The following VAMP1 variants were observed in gnomAD, a reference collection of about 807,000 sequenced individuals.
The protein encoded by VAMP1 is vesicle associated membrane protein 1, also known as vesicle-associated membrane protein 1.
In VAMP1, 16 loss-of-function variants were observed where a neutral mutation model predicts 19.1. The observed-to-expected ratio is 0.84, with a 90% CI of 0.57 to 1.27. The LOEUF (loss-of-function observed/expected upper bound fraction) is 1.27, where lower values mean the gene tolerates loss of function less well. Among genes scored for constraint, VAMP1 ranks in the 50% most tolerant of loss-of-function variants. VAMP1 has a pLI of 0.00. For missense variants in VAMP1, 109 were observed against 145.4 expected (o/e 0.75, Z 1.29); for synonymous variants, 37 against 50.2 (o/e 0.74, Z 1.11).
Position 6,465,931 on chromosome 12 carries a change from C to T in VAMP1, c.199G>A (p.Asp67Asn). 6 of 1,614,260 alleles carry T rather than the reference C, an allele frequency of 3.7e-6. No individual in the cohort carries two copies. Among genetic ancestry groups the T allele is most frequent in the Non-Finnish European group, 4.2e-6 (5 of 1,180,046 alleles). Residue 67 changes from aspartate (D) to asparagine (N), a missense_variant, in exon 3 of 5, where the codon GAC becomes AAC. Coordinates refer to ENST00000396308, the MANE Select transcript of VAMP1 (RefSeq NM_014231.5). ...ERDQKLSELDDRADALQAGAS... is the reference protein window; with the variant it reads ...ERDQKLSELDNRADALQAGAS... The stretch of plus-strand genomic sequence containing the variant: ...CCTGCCTGCAAGGCATCAGCTCGGT[C>T]ATCCAGCTCTGACAGCTTCTGGTCC...
chr12:6,465,485 GTGTGTGTA>G (rs1950000893), intron 3 of VAMP1, among the ~76,000 whole-genome samples: 1 of 138,906 alleles, frequency 7.2e-6, no homozygotes, highest in African/African-American at 2.9e-5. Flanking sequence ...GTGTGTGTGT[GTGTGTGTA>G]TGTATATATG....
At position 6,463,404 on chromosome 12, in the gene VAMP1, AT is replaced by A; in HGVS notation, c.*1065del. On this transcript the variant is annotated 3_prime_UTR_variant, in exon 5 of 5. Coordinates refer to ENST00000396308, the MANE Select transcript of VAMP1 (RefSeq NM_014231.5). The surrounding 1 kb of genome is among the most constrained non-coding windows in gnomAD (Gnocchi z 4.0). Reference sequence around the variant, plus strand: ...GGCCCCAGGAAGAACCACTTGCCTCATCCCTGTCTTTGGCAAGTGCACGGGT... The same window carrying A: ...GGCCCCAGGAAGAACCACTTGCCTCACCCTGTCTTTGGCAAGTGCACGGGT... 1 of 1,058,754 alleles carries A rather than the reference AT, an allele frequency of 9.4e-7. No individual in the cohort carries two copies. Among genetic ancestry groups the A allele is most frequent in the African/African-American group, 1.7e-5 (1 of 59,286 alleles). 65.6% of individuals were successfully genotyped at this position (1,058,754 alleles called of 1,614,324 possible).
At chr12:6,465,373 A>ATTTATATAT (rs1565525991) in intron 3 of VAMP1, 3 of 104,214 alleles carry the variant, frequency 2.9e-5, no homozygotes, top group African/African-American at 8.8e-5. Context: ...TATATATATA[A>ATTTATATAT]ATGTATATAT....
Position 6,462,639 on chromosome 12 carries a change from C to A in VAMP1, c.*1831G>T. ...CTGGTGAGCCTCAGAGGGACAGAAACCCAGGAATGATTCCTGTGATAGGGC... is the reference window on the plus strand; with the variant it reads ...CTGGTGAGCCTCAGAGGGACAGAAAACCAGGAATGATTCCTGTGATAGGGC... On this transcript the variant is annotated 3_prime_UTR_variant, in exon 5 of 5. Coordinates refer to ENST00000396308, the MANE Select transcript of VAMP1 (RefSeq NM_014231.5). 1 of 674,696 alleles carries A rather than the reference C, an allele frequency of 1.5e-6. No individual in the cohort carries two copies. Among genetic ancestry groups the A allele is most frequent in the Middle Eastern group, 4.2e-4 (1 of 2,404 alleles). 41.8% of individuals were successfully genotyped at this position (674,696 alleles called of 1,614,324 possible). A position where few individuals can be genotyped will look rare whatever the true frequency, so the allele number is the denominator to read the frequency against.
At position 6,466,256 on chromosome 12, in the gene VAMP1, C is replaced by T. The variant is rs1256770289; in HGVS notation, c.98G>A (p.Arg33Gln). The T allele has an allele frequency of 6.2e-6, 10 of 1,614,060 alleles. No individual in the cohort carries two copies. Among genetic ancestry groups the T allele is most frequent in the African/African-American group, 1.3e-5 (1 of 74,942 alleles). The change falls in exon 2 of 5, where the codon CGA becomes CAA. Residue 33 changes from arginine to glutamine, a missense_variant. Arg to Gln is a conservative substitution (Grantham distance 43, BLOSUM62 1). Transcript: ENST00000396308. ...CACTTGTGCCTGGGTTTGCTGTAGT[C>T]GTCTGTTACTGGTCATGTTAGGAGG... Reference protein sequence around the residue: ...GPPPNMTSNRRLQQTQAQVEE... With the variant: ...GPPPNMTSNRQLQQTQAQVEE...
Position 6,464,044 on chromosome 12 carries a change from C to T in VAMP1, c.*426G>A. On this transcript the variant is annotated 3_prime_UTR_variant, in exon 5 of 5. Coordinates refer to ENST00000396308, the MANE Select transcript of VAMP1 (RefSeq NM_014231.5). ...CAGTACTGAGTGAGCTGCCATCTTC[C>T]CAGCCCCTCCCTAGCTCCTACCAGT... is the stretch of plus-strand genomic sequence containing the variant. 7.7e-7 allele frequency: 1 copy of T among 1,296,342 alleles called. No homozygotes were observed. Among genetic ancestry groups the T allele is most frequent in the Non-Finnish European group, 1.0e-6 (1 of 993,670 alleles). 80.3% of individuals were successfully genotyped at this position (1,296,342 alleles called of 1,614,324 possible).
chr12:6,467,224 CA>C, intron 1 of VAMP1: 1 of 161,120 alleles, frequency 6.2e-6, no homozygotes, highest in South Asian at 1.9e-4. Flanking sequence ...AAAAGATACC[CA>C]AAAATGTGGA....
At position 6,464,118 on chromosome 12, in the gene VAMP1, C is replaced by A; in HGVS notation, c.*352G>T. On this transcript the variant is annotated 3_prime_UTR_variant, in exon 5 of 5. Coordinates refer to ENST00000396308, the MANE Select transcript of VAMP1 (RefSeq NM_014231.5). ...ATGGGCACCGATACTCTTCTCCTCC[C>A]AAGTCTGGGCAGCTTCATGGGTACT... is the stretch of plus-strand genomic sequence containing the variant. 7.5e-7 allele frequency: 1 copy of A among 1,341,384 alleles called. No homozygotes were observed. Among genetic ancestry groups the A allele is most frequent in the Non-Finnish European group, 9.8e-7 (1 of 1,022,414 alleles). 83.1% of individuals were successfully genotyped at this position (1,341,384 alleles called of 1,614,324 possible).
At position 6,463,563 on chromosome 12, in the gene VAMP1, T is replaced by C. The variant is rs779925949; in HGVS notation, c.*907A>G. 1.7e-4 allele frequency: 178 copies of C among 1,056,496 alleles called. No homozygotes were observed. The highest frequency in any genetic ancestry group is 2.0e-4 in the Non-Finnish European group (176 of 872,032). The allele number at this position is 1,056,496 out of a possible 1,614,324, so 65.4% of individuals were successfully genotyped here. A position where few individuals can be genotyped will look rare whatever the true frequency, so the allele number is the denominator to read the frequency against. On this transcript the variant is annotated 3_prime_UTR_variant, in exon 5 of 5. Coordinates refer to ENST00000396308, the MANE Select transcript of VAMP1 (RefSeq NM_014231.5). This position sits in a 1 kb window ranked among gnomAD's most constrained non-coding sequence, Gnocchi z 4.0. ...AAGGAGTGGCTTCCTCTGAGCTTGT[T>C]ACTTTCAAATTAAGCACTTGACTCA...
Position 6,466,232 on chromosome 12 carries a change from A to T in VAMP1, c.122T>A (p.Val41Glu), listed in dbSNP as rs1555130597. The T allele has an allele frequency of 1.2e-6, 2 of 1,614,078 alleles. No individual in the cohort carries two copies. The highest frequency in any genetic ancestry group is 2.2e-5 in the South Asian group (2 of 91,074). The change falls in exon 2 of 5, where the codon GTG becomes GAG. Residue 41 changes from valine to glutamate, a missense_variant. By Grantham distance (121) the Val-to-Glu change is moderately radical (BLOSUM62 -2). Coordinates refer to ENST00000396308, the MANE Select transcript of VAMP1 (RefSeq NM_014231.5). ...NRRLQQTQAQVEEVVDIIRVN... is the reference protein window; with the variant it reads ...NRRLQQTQAQEEEVVDIIRVN... ...AAACAGCTATCTACCTACCTCCTCCACTTGTGCCTGGGTTTGCTGTAGTCG... is the reference window on the plus strand; with the variant it reads ...AAACAGCTATCTACCTACCTCCTCCTCTTGTGCCTGGGTTTGCTGTAGTCG...
At position 6,462,389 on chromosome 12, in the gene VAMP1, G is replaced by C. The variant is rs1358419457; in HGVS notation, c.*2081C>G. Reference sequence around the variant, plus strand: ...AAAAAAAGACAAAGAGGTGATGACAGACACACAGTGGAAACCCCACATCGT... The same window carrying C: ...AAAAAAAGACAAAGAGGTGATGACACACACACAGTGGAAACCCCACATCGT... On this transcript the variant is annotated 3_prime_UTR_variant, in exon 5 of 5. Coordinates refer to ENST00000396308, the MANE Select transcript of VAMP1 (RefSeq NM_014231.5). 8.0e-6 allele frequency: 4 copies of C among 500,656 alleles called. No individual in the cohort carries two copies. The East Asian group carries it at 1.3e-4, about 16-fold the overall frequency. 31.0% of individuals were successfully genotyped at this position (500,656 alleles called of 1,614,324 possible).
intron 3 of VAMP1, chr12:6,465,420 A>ATATG (rs1361907139): frequency 8.3e-6 from 1 of 120,588 alleles, no homozygotes; most frequent in Non-Finnish European, 1.6e-5. Context: ...ATATGTATAT[A>ATATG]TATATATAAA....
At chr12:6,469,144 C>T (rs1027401791) in intron 1 of VAMP1, among the ~76,000 whole-genome samples, 2 of 152,166 alleles carry the variant, frequency 1.3e-5, no homozygotes, top group Non-Finnish European at 2.9e-5. Context: ...CCATTTCCCT[C>T]TAAGGTGCAA....
At chr12:6,469,973 G>C (rs765435345) in intron 1 of VAMP1, among the ~76,000 whole-genome samples, 1 of 152,180 alleles carries the variant, frequency 6.6e-6, no homozygotes, top group Non-Finnish European at 1.5e-5. Flanking sequence ...GAGTCTTTCT[G>C]AGCTGCTCAC....
intron 4 of VAMP1, 175 bp from the exon 5 acceptor site, chr12:6,464,661 G>A: frequency 1.4e-6 from 2 of 1,463,300 alleles, no homozygotes; most frequent in African/African-American, 1.4e-5. Context: ...CACTTCCTCA[G>A]AACAGGAGGC....
At chr12:6,465,202 G>A (rs1949973324) in intron 3 of VAMP1, 1 of 494,346 alleles carries the variant, frequency 2.0e-6, no homozygotes, top group African/African-American at 2.0e-5. Flanking sequence ...GTGTCTTGGG[G>A]CTTTAGAAGG....
At chr12:6,470,162 C>T (rs1945733362) in intron 1 of VAMP1, among the ~76,000 whole-genome samples, 2 of 152,182 alleles carry the variant, frequency 1.3e-5, no homozygotes, top group African/African-American at 4.8e-5. Flanking sequence ...GTGATTTAGC[C>T]AGATGACAGA....
Position 6,463,667 on chromosome 12 carries a change from G to A in VAMP1, c.*803C>T. The A allele has an allele frequency of 9.2e-7, 1 of 1,086,634 alleles. No homozygotes were observed. The highest frequency in any genetic ancestry group is 1.1e-6 in the Non-Finnish European group (1 of 888,874). The allele number at this position is 1,086,634 out of a possible 1,614,324, so 67.3% of individuals were successfully genotyped here. On this transcript the variant is annotated 3_prime_UTR_variant, in exon 5 of 5. Coordinates refer to ENST00000396308, the MANE Select transcript of VAMP1 (RefSeq NM_014231.5). The surrounding 1 kb of genome is among the most constrained non-coding windows in gnomAD (Gnocchi z 4.0). ...GGAGCTAGGTTAAATTATTTGGCTA[G>A]ATAAAACTACCAGCTAGATGGATTT...
Position 6,470,589 on chromosome 12 carries a change from G to C in VAMP1, c.-58C>G. The C allele has an allele frequency of 6.2e-7, 1 of 1,610,016 alleles. No homozygotes were observed. The highest frequency in any genetic ancestry group is 8.5e-7 in the Non-Finnish European group (1 of 1,176,988). ...CTCCGGAGGCTGCGGCGAGACACCC[G>C]GTGAGGGACGCTGCGGCTGAAGTGG... On this transcript the variant is annotated 5_prime_UTR_variant, in exon 1 of 5. Coordinates refer to ENST00000396308, the MANE Select transcript of VAMP1 (RefSeq NM_014231.5).
Sources: gnomAD v4.1 joint callset for allele counts (sites outside exome capture counted in the v4.1 genomes callset) on GRCh38, gnomAD v4.1.1 for gene constraint, Gnocchi (gnomAD v3.1) non-coding constraint, MANE v1.5 for transcripts, NCBI Gene and HGNC (gene_info 2026-07-23, HGNC 2026-07-21) for gene names.